The following GPHN variants were observed in gnomAD, a reference collection of about 807,000 sequenced individuals.
GPHN encodes gephyrin.
A neutral mutation model predicts 95.5 loss-of-function variants in GPHN; 17 were observed. That is an observed-to-expected ratio of 0.18 (90% CI 0.12 to 0.27). The LOEUF (loss-of-function observed/expected upper bound fraction) is 0.27. GPHN is among the 10% of genes least tolerant of loss of function. The pLI, the probability that GPHN is intolerant of heterozygous loss-of-function variation, is 1.00. For missense variants in GPHN, 660 were observed against 978.1 expected (o/e 0.67, Z 4.34); for synonymous variants, 320 against 322.5 (o/e 0.99, Z 0.08).
intron 2 of GPHN, among the ~76,000 whole-genome samples, chr14:66,771,451 C>T (rs553627964): frequency 5.9e-5 from 9 of 152,162 alleles, no homozygotes; most frequent in Non-Finnish European, 1.0e-4. Context: ...TGCGAGAACT[C>T]GCTCGACCAG....
the GPHN span, chr14:67,663,318 T>C: frequency 1.6e-6 from 1 of 628,896 alleles, no homozygotes; most frequent in Non-Finnish European, 2.6e-6. Context: ...GCAAGTTTCA[T>C]TTTTAAATAA....
chr14:67,079,553 C>T (rs1204461836), intron 11 of GPHN, among the ~76,000 whole-genome samples: 1 of 151,944 alleles, frequency 6.6e-6, no homozygotes, highest in African/African-American at 2.4e-5. Context: ...TTCCACTTAG[C>T]TTAATATTTT....
the GPHN span, among the ~76,000 whole-genome samples, chr14:67,273,867 G>A: frequency 2.0e-5 from 3 of 152,164 alleles, no homozygotes; most frequent in East Asian, 5.8e-4. Flanking sequence ...TTTCTTTGAT[G>A]ACCAGTGATA....
intron 9 of GPHN, among the ~76,000 whole-genome samples, chr14:66,990,935 AATTAAATC>A (rs1448501230): frequency 6.6e-6 from 1 of 151,936 alleles, no homozygotes; most frequent in African/African-American, 2.4e-5. Flanking sequence ...ATAAGGATTT[AATTAAATC>A]ATTAATGCTT....
intron 2 of GPHN, among the ~76,000 whole-genome samples, chr14:66,748,951 C>T (rs1267984206): frequency 6.6e-6 from 1 of 151,898 alleles, no homozygotes; most frequent in African/African-American, 2.4e-5. Context: ...AATACTCAAA[C>T]TGTAGTATAA....
intron 2 of GPHN, among the ~76,000 whole-genome samples, chr14:66,766,925 T>C (rs145504387): frequency 4.9e-4 from 75 of 152,072 alleles, no homozygotes; most frequent in African/African-American, 1.6e-3. Context: ...CTAAGTCCAT[T>C]ATTTCCCCCC....
the GPHN span, among the ~76,000 whole-genome samples, chr14:67,247,586 C>CA: frequency 6.8e-6 from 1 of 146,334 alleles, no homozygotes; most frequent in Non-Finnish European, 1.5e-5. Flanking sequence ...ATCTTGTTCA[C>CA]TTTTTTTTTT....
chr14:66,999,612 G>A (rs1373387502), intron 9 of GPHN, among the ~76,000 whole-genome samples: 1 of 151,662 alleles, frequency 6.6e-6, no homozygotes, highest in African/African-American at 2.4e-5. Context: ...TGAATGTAAT[G>A]AGATCAGTGT....
intron 10 of GPHN, among the ~76,000 whole-genome samples, chr14:67,029,523 G>A (rs2074086612): frequency 6.6e-6 from 1 of 152,040 alleles, no homozygotes; most frequent in South Asian, 2.1e-4. Flanking sequence ...TTTTAGTAGA[G>A]ATGGGATTTC....
At chr14:66,578,976 T>G (rs574801240) in intron 1 of GPHN, among the ~76,000 whole-genome samples, 2 of 151,984 alleles carry the variant, frequency 1.3e-5, no homozygotes, top group East Asian at 1.9e-4. Context: ...ATATCTTTAG[T>G]AAGAAGGTTA....
chr14:66,676,046 T>G (rs2066567633), intron 1 of GPHN, among the ~76,000 whole-genome samples: 1 of 150,966 alleles, frequency 6.6e-6, no homozygotes, highest in African/African-American at 2.4e-5. Flanking sequence ...TGCAGGTTTG[T>G]TACACACACA....
At chr14:67,116,292 A>G (rs1237223390) in intron 16 of GPHN, among the ~76,000 whole-genome samples, 1 of 151,714 alleles carries the variant, frequency 6.6e-6, no homozygotes, top group Non-Finnish European at 1.5e-5. Flanking sequence ...AAGAAAGAAA[A>G]GAAAAAGAAA....
chr14:67,033,615 G>A (rs1431941887), intron 10 of GPHN, among the ~76,000 whole-genome samples: 3 of 149,446 alleles, frequency 2.0e-5, no homozygotes, highest in Non-Finnish European at 4.5e-5. Context: ...TTGTGGACCA[G>A]TGTATACATT....
chr14:66,859,651 G>A (rs1003892401), intron 4 of GPHN, among the ~76,000 whole-genome samples: 1 of 152,320 alleles, frequency 6.6e-6, no homozygotes, highest in Admixed American at 6.5e-5. Context: ...GAATAAGCTT[G>A]AAGAAACAGA....
chr14:67,370,812 G>A, the GPHN span, among the ~76,000 whole-genome samples: 1 of 152,130 alleles, frequency 6.6e-6, no homozygotes, highest in Non-Finnish European at 1.5e-5. Context: ...GATTGCTTGA[G>A]CCCAGGAGTT....
chr14:67,058,698 T>A lies in GPHN; in HGVS notation c.1056T>A (p.Ser352=). 6.2e-7 allele frequency: 1 copy of A among 1,613,234 alleles called. No individual in the cohort carries two copies. The highest frequency in any genetic ancestry group is 8.5e-7 in the Non-Finnish European group (1 of 1,179,156). Residue 352 remains serine (S), a synonymous_variant, in exon 11 of 23, where the codon TCT becomes TCA. Coordinates refer to ENST00000478722, the MANE Select transcript of GPHN (RefSeq NM_020806.5). Reference sequence around the variant, plus strand: ...AGGTGGCTAGAAGACATCGCATGTCTCCTTTTCCTCTGACATCTATGGACA... The same window carrying A: ...AGGTGGCTAGAAGACATCGCATGTCACCTTTTCCTCTGACATCTATGGACA... ...ITKVARRHRM[S]PFPLTSMDKA...
chr14:66,692,668 G>T (rs1329179045), intron 2 of GPHN, among the ~76,000 whole-genome samples: 1 of 151,828 alleles, frequency 6.6e-6, no homozygotes, highest in Non-Finnish European at 1.5e-5. Flanking sequence ...TATGACCATT[G>T]GTGCATATAA....
the GPHN span, chr14:67,228,665 T>A: frequency 6.6e-6 from 1 of 152,242 alleles, no homozygotes; most frequent in Non-Finnish European, 1.5e-5. Context: ...ATTCATAAAC[T>A]CAGTTTTTAT....
At chr14:67,530,227 C>A in the GPHN span, among the ~76,000 whole-genome samples, 1 of 152,178 alleles carries the variant, frequency 6.6e-6, no homozygotes, top group East Asian at 1.9e-4. Context: ...TTGCTGCATG[C>A]CAGACAACAT....
Sources: gnomAD v4.1 joint callset for allele counts (sites outside exome capture counted in the v4.1 genomes callset) on GRCh38, gnomAD v4.1.1 for gene constraint, MANE v1.5 for transcripts, NCBI Gene and HGNC (gene_info 2026-07-23, HGNC 2026-07-21) for gene names.